The following WDFY3 variants were observed in gnomAD, a reference collection of about 807,000 sequenced individuals.
The protein encoded by WDFY3 is WD repeat and FYVE domain-containing protein 3.
A neutral mutation model predicts 409.6 loss-of-function variants in WDFY3; 66 were observed. The observed-to-expected ratio is 0.16, with a 90% CI of 0.13 to 0.20. The LOEUF (loss-of-function observed/expected upper bound fraction) is 0.20. Among genes scored for constraint, WDFY3 ranks in the 10% least tolerant of loss-of-function variants. WDFY3 has a pLI of 1.00. For missense variants in WDFY3, 3,031 were observed against 4,298.1 expected (o/e 0.71, Z 8.24); for synonymous variants, 1,521 against 1,537.1 (o/e 0.99, Z 0.25).
chr4:84,700,313 C>T (rs1464211482), intron 56 of WDFY3, among the ~76,000 whole-genome samples: 5 of 152,180 alleles, frequency 3.3e-5, no homozygotes, highest in Non-Finnish European at 7.3e-5. Flanking sequence ...AAGTGATCCT[C>T]CCACCTCAGC....
chr4:84,934,698 C>T (rs1022401105), intron 1 of WDFY3, among the ~76,000 whole-genome samples: 1 of 151,968 alleles, frequency 6.6e-6, no homozygotes, highest in African/African-American at 2.4e-5. Flanking sequence ...ATTTTAAATT[C>T]AAAGCAAAAT....
chr4:84,879,561 C>G (rs1763212998), intron 3 of WDFY3: 1 of 151,768 alleles, frequency 6.6e-6, no homozygotes, highest in African/African-American at 2.4e-5. Context: ...AAAGTACAAC[C>G]TCAGGTTAAG....
At chr4:84,707,929 C>A (rs1732246472) in intron 53 of WDFY3, among the ~76,000 whole-genome samples, 1 of 152,194 alleles carries the variant, frequency 6.6e-6, no homozygotes, top group Non-Finnish European at 1.5e-5. Context: ...ATAGTTTTAT[C>A]TTTCCCCTTA....
intron 59 of WDFY3, 33 bp downstream of exon 59, chr4:84,692,852 C>A (rs749292126): frequency 1.3e-6 from 2 of 1,562,932 alleles, no homozygotes; most frequent in East Asian, 2.3e-5. Context: ...CCCATTAAAT[C>A]ATTAATCAAA....
At chr4:84,947,677 C>G (rs1488369546) in intron 1 of WDFY3, among the ~76,000 whole-genome samples, 1 of 147,082 alleles carries the variant, frequency 6.8e-6, no homozygotes, top group Non-Finnish European at 1.5e-5. Context: ...TCAAGACCAG[C>G]CTGAGCAACA....
intron 36 of WDFY3, 27 bp from the exon 37 acceptor site, chr4:84,743,826 ACAG>A: frequency 6.5e-7 from 1 of 1,527,408 alleles, no homozygotes; most frequent in South Asian, 1.3e-5. Flanking sequence ...AGAATTAGAA[ACAG>A]AACCAACTAA....
chr4:84,715,643 C>T (rs1352363902), intron 49 of WDFY3, among the ~76,000 whole-genome samples: 10 of 151,562 alleles, frequency 6.6e-5, no homozygotes, highest in East Asian at 1.9e-4. Flanking sequence ...GCCTTGGTGG[C>T]GGGTACCTGT....
chr4:84,866,979 T>G (rs940047050), intron 3 of WDFY3, among the ~76,000 whole-genome samples: 1 of 152,214 alleles, frequency 6.6e-6, no homozygotes, highest in Non-Finnish European at 1.5e-5. Flanking sequence ...GAATAGGCAC[T>G]TATCAAACCT....
chr4:84,740,088 A>G (rs570740560), intron 39 of WDFY3, 99 bp downstream of exon 39: 2 of 1,175,844 alleles, frequency 1.7e-6, no homozygotes, highest in South Asian at 1.4e-5. Context: ...AAAACAGAGT[A>G]AGGGTAAAAG....
At chr4:84,716,365 G>C (rs1216688423) in intron 49 of WDFY3, among the ~76,000 whole-genome samples, 2 of 150,906 alleles carry the variant, frequency 1.3e-5, no homozygotes, top group Non-Finnish European at 3.0e-5. Flanking sequence ...TGTGAACCAG[G>C]GAGGTGGAGC....
At chr4:84,683,430 ACTCCATTGC>A (rs1727743401) in intron 63 of WDFY3, among the ~76,000 whole-genome samples, 1 of 152,146 alleles carries the variant, frequency 6.6e-6, no homozygotes, top group Admixed American at 6.5e-5. Flanking sequence ...AAAAGTGAAT[ACTCCATTGC>A]CTCTATTTTC....
At chr4:84,741,316 G>GTTT (rs879900100) in intron 38 of WDFY3, among the ~76,000 whole-genome samples, 2 of 140,562 alleles carry the variant, frequency 1.4e-5, no homozygotes, top group Admixed American at 7.2e-5. Context: ...TCTCTATTCA[G>GTTT]TTTTTTTTTT....
At chr4:84,758,371 C>T (rs533003370) in intron 32 of WDFY3, among the ~76,000 whole-genome samples, 15 of 152,226 alleles carry the variant, frequency 9.9e-5, no homozygotes, top group African/African-American at 3.6e-4. Context: ...TCAGCTTCCC[C>T]AGTAGCTAGC....
At position 84,933,276 on chromosome 4, in the gene WDFY3, G is replaced by A. The variant is rs375218113; in HGVS notation, c.-225-913C>T. 2.6e-5 allele frequency among the ~76,000 whole-genome samples: 4 copies of A among 152,062 alleles called. No individual in the cohort carries two copies. In the South Asian group the frequency reaches 6.2e-4, roughly 24 times the overall value. ...AGGCAATATTGCCTTCAATAGACAG[G>A]TAATTATTCAAAAACCTAACCAATA... is the stretch of plus-strand genomic sequence containing the variant. On this transcript the variant is annotated intron_variant, in intron 1 of 67. Transcript: ENST00000295888.
intron 13 of WDFY3, among the ~76,000 whole-genome samples, chr4:84,816,574 G>A (rs1194885404): frequency 6.6e-6 from 1 of 151,938 alleles, no homozygotes; most frequent in Non-Finnish European, 1.5e-5. Context: ...ATTATATCTG[G>A]AACTTGGAAA....
intron 2 of WDFY3, among the ~76,000 whole-genome samples, chr4:84,910,510 T>C (rs903609057): frequency 4.6e-5 from 7 of 152,040 alleles, no homozygotes; most frequent in Admixed American, 4.6e-4. Flanking sequence ...GAAAAAACTC[T>C]CACATATATG....
At chr4:84,886,945 G>A (rs1277530693) in intron 3 of WDFY3, among the ~76,000 whole-genome samples, 1 of 152,102 alleles carries the variant, frequency 6.6e-6, no homozygotes. Context: ...AATATATGAT[G>A]AAAATTATGG....
intron 36 of WDFY3, 89 bp from the exon 37 acceptor site, chr4:84,743,888 A>G: frequency 1.3e-6 from 1 of 798,674 alleles, no homozygotes. Flanking sequence ...TATATTAAAA[A>G]GATTAAAAAA....
chr4:84,849,359 T>G (rs1035772239), intron 5 of WDFY3, among the ~76,000 whole-genome samples: 1 of 152,058 alleles, frequency 6.6e-6, no homozygotes, highest in African/African-American at 2.4e-5. Context: ...AAATTTTCTT[T>G]GCCTAAAGAA....
Sources: gnomAD v4.1 joint callset for allele counts (sites outside exome capture counted in the v4.1 genomes callset) on GRCh38, gnomAD v4.1.1 for gene constraint, MANE v1.5 for transcripts, NCBI Gene and HGNC (gene_info 2026-07-23, HGNC 2026-07-21) for gene names.